DAB1: variants seen among roughly 807,000 people sequenced by gnomAD.
The protein encoded by DAB1 is DAB adaptor protein 1, also known as disabled homolog 1.
A neutral mutation model predicts 64.6 loss-of-function variants in DAB1; 15 were observed. The observed-to-expected ratio is 0.23, with a 90% confidence interval of 0.16 to 0.36. The LOEUF (loss-of-function observed/expected upper bound fraction) is 0.36, where lower values mean the gene tolerates loss of function less well. DAB1 is among the 10% of genes least tolerant of loss of function. The probability of loss-of-function intolerance (pLI) is 1.00; values close to 1 mark genes in which losing one functional copy is unlikely to be tolerated. For missense variants in DAB1, 596 were observed against 706.7 expected (o/e 0.84, Z 1.78); for synonymous variants, 235 against 251.9 (o/e 0.93, Z 0.64).
Position 57,396,813 on chromosome 1 carries a change from C to T in DAB1, c.-137+27117G>A, listed in dbSNP as rs72674901. On this transcript the variant is annotated intron_variant, in intron 1 of 14. Coordinates refer to ENST00000371236, the MANE Select transcript of DAB1 (RefSeq NM_001365792.1). ...AGAACTTGTTAGTAAGTCCAGGCCT[C>T]AGCTCCTCTAGGGAAGCTGAACAAG... Among the ~76,000 whole-genome samples, 1,164 of 152,278 alleles carry T rather than the reference C, an allele frequency of 7.6e-3. 5 individuals carry two copies. Among genetic ancestry groups the T allele is most frequent in the Middle Eastern group, 0.014 (4 of 294 alleles).
chr1:57,910,979 A>G (rs1158106032), intron 5 of DAB1, among the ~76,000 whole-genome samples: 2 of 152,226 alleles, frequency 1.3e-5, no homozygotes, highest in Admixed American at 1.3e-4. Flanking sequence ...GGAATGTAGA[A>G]CAGTACCAGA....
At chr1:58,544,018 A>C (rs1646663622) in intron 1 of DAB1, among the ~76,000 whole-genome samples, 1 of 152,230 alleles carries the variant, frequency 6.6e-6, no homozygotes, top group African/African-American at 2.4e-5. Context: ...GGTCCAGGCA[A>C]GTGAATATCA....
chr1:57,886,765 T>C (rs931261849), upstream of DAB1, among the ~76,000 whole-genome samples: 1 of 152,098 alleles, frequency 6.6e-6, no homozygotes, highest in South Asian at 2.1e-4. Context: ...AGAACCTGAG[T>C]TCTAGTCTTG....
At chr1:58,161,709 A>C (rs957679012) in intron 4 of DAB1, among the ~76,000 whole-genome samples, 1 of 152,222 alleles carries the variant, frequency 6.6e-6, no homozygotes, top group Non-Finnish European at 1.5e-5. Context: ...TTTCACAGAA[A>C]AGAAAACTGA....
intron 7 of DAB1, among the ~76,000 whole-genome samples, chr1:57,497,866 T>C (rs991890918): frequency 1.3e-5 from 2 of 152,296 alleles, no homozygotes; most frequent in East Asian, 3.9e-4. Flanking sequence ...AGATGTGATA[T>C]AATTAGTTCT....
At chr1:58,192,906 G>A (rs185762623) in intron 4 of DAB1, among the ~76,000 whole-genome samples, 13 of 152,272 alleles carry the variant, frequency 8.5e-5, no homozygotes, top group African/African-American at 2.9e-4. Flanking sequence ...TTCTGTGGAT[G>A]GAGGGTGGTA....
intron 5 of DAB1, among the ~76,000 whole-genome samples, chr1:57,916,412 G>A (rs1452826636): frequency 1.3e-5 from 2 of 152,312 alleles, no homozygotes; most frequent in African/African-American, 4.8e-5. Context: ...AAAACCAAGA[G>A]CAACAGAATC....
intron 9 of DAB1, among the ~76,000 whole-genome samples, chr1:57,040,248 G>A (rs1378671083): frequency 6.6e-6 from 1 of 152,064 alleles, no homozygotes; most frequent in Non-Finnish European, 1.5e-5. Flanking sequence ...GCAGTAGTGG[G>A]AATTTGATGG....
chr1:57,655,576 T>C (rs1646308380), intron 6 of DAB1, among the ~76,000 whole-genome samples: 1 of 152,234 alleles, frequency 6.6e-6, no homozygotes, highest in South Asian at 2.1e-4. Context: ...CTTACATTCC[T>C]ACCCTTACGG....
intron 6 of DAB1, among the ~76,000 whole-genome samples, chr1:57,690,826 A>G (rs779114079): frequency 4.6e-5 from 7 of 152,130 alleles, no homozygotes; most frequent in Non-Finnish European, 8.8e-5. Flanking sequence ...TGCATTTTGG[A>G]TAAAAAACAT....
At chr1:57,308,346 A>C (rs746205878) in intron 1 of DAB1, among the ~76,000 whole-genome samples, 1 of 152,188 alleles carries the variant, frequency 6.6e-6, no homozygotes, top group Admixed American at 6.5e-5. Flanking sequence ...TGATCAGAAG[A>C]AGCATGAAAA....
intron 5 of DAB1, among the ~76,000 whole-genome samples, chr1:57,976,400 T>C (rs1036347187): frequency 4.6e-5 from 7 of 152,224 alleles, no homozygotes; most frequent in Admixed American, 3.9e-4. Flanking sequence ...TTCAAACTGC[T>C]GTATGCAGCT....
intron 6 of DAB1, among the ~76,000 whole-genome samples, chr1:57,794,683 C>T (rs1438700348): frequency 3.9e-5 from 6 of 152,176 alleles, no homozygotes; most frequent in Non-Finnish European, 8.8e-5. Flanking sequence ...TTCCAGCCCC[C>T]TAGACTGTGA....
chr1:58,372,059 G>T lies in DAB1; in HGVS notation n.258-28656C>A, dbSNP rs537374941. On this transcript the variant is annotated intron_variant and non_coding_transcript_variant, in intron 3 of 20. Transcript: ENST00000485760. ...GGGGCACTGCCTAGTGGAGCTGTAAGAAGAAGGCCACTGTTCTCTGCACCC... is the reference window on the plus strand; with the variant it reads ...GGGGCACTGCCTAGTGGAGCTGTAATAAGAAGGCCACTGTTCTCTGCACCC... Among the ~76,000 whole-genome samples the T allele has an allele frequency of 1.5e-4, 23 of 152,308 alleles. No homozygotes were observed. In the South Asian group the frequency reaches 3.5e-3, roughly 23 times the overall value.
At chr1:58,433,670 G>GGA (rs60954569) in intron 3 of DAB1, among the ~76,000 whole-genome samples, 11,461 of 142,086 alleles carry the variant, frequency 0.081, 798 homozygotes, top group East Asian at 0.25. Flanking sequence ...GGGAGGCGGG[G>GGA]GAGAGAGAGA....
intron 6 of DAB1, among the ~76,000 whole-genome samples, chr1:57,722,365 A>T (rs2101760542): frequency 6.6e-6 from 1 of 152,306 alleles, no homozygotes; most frequent in Non-Finnish European, 1.5e-5. Context: ...GAGACAGAAG[A>T]CATACCTGGG....
chr1:58,433,592 A>AGTGTGTGTGT (rs1266210842), intron 3 of DAB1, among the ~76,000 whole-genome samples: 1 of 100,814 alleles, frequency 9.9e-6, no homozygotes, highest in African/African-American at 4.6e-5. Flanking sequence ...AGAGAGAGAG[A>AGTGTGTGTGT]GAGAGTGTGT....
intron 4 of DAB1, among the ~76,000 whole-genome samples, chr1:57,106,261 C>CCA (rs1553142624): frequency 1.3e-5 from 2 of 151,072 alleles, no homozygotes; most frequent in African/African-American, 2.4e-5. Flanking sequence ...CCTAACACCC[C>CCA]CCCCCATCAG....
intron 1 of DAB1, among the ~76,000 whole-genome samples, chr1:57,291,548 T>TCCA (rs1672777362): frequency 6.6e-6 from 1 of 152,150 alleles, no homozygotes; most frequent in South Asian, 2.1e-4. Flanking sequence ...TCAGCCAAGC[T>TCCA]TGATCAGCAC....
Sources: allele counts gnomAD v4.1 joint callset (sites outside exome capture counted in the v4.1 genomes callset), GRCh38; gene constraint gnomAD v4.1.1; transcripts MANE v1.5; gene names NCBI Gene and HGNC (gene_info 2026-07-23, HGNC 2026-07-21).